Variants in ADGRV1 observed in about 807,000 individuals in gnomAD.
The protein encoded by ADGRV1 is G-protein coupled receptor 98.
A neutral mutation model predicts 596.2 loss-of-function variants in ADGRV1; 359 were observed. The ratio of observed to expected loss-of-function variants is 0.60; its 90% confidence interval spans 0.55 to 0.66. The LOEUF (loss-of-function observed/expected upper bound fraction) is 0.66, where lower values mean the gene tolerates loss of function less well. Among genes scored for constraint, ADGRV1 ranks in the 30% least tolerant of loss-of-function variants. The pLI is 0.00. For missense variants in ADGRV1, 7,274 were observed against 7,575.6 expected, an observed-to-expected ratio of 0.96 and a Z score of 1.48; for synonymous variants, 2,681 against 2,679.2, an observed-to-expected ratio of 1.00 and a Z score of -0.02.
At chr5:90,628,878 T>G (rs1426179890) in intron 8 of ADGRV1, 46 bp downstream of exon 8, 1 of 1,552,224 alleles carries the variant, frequency 6.4e-7, no homozygotes, top group East Asian at 2.3e-5. Flanking sequence ...TTCTGTGCTG[T>G]ACAAGAACCA....
intron 77 of ADGRV1, among the ~76,000 whole-genome samples, chr5:90,830,088 G>A (rs1462252417): frequency 6.6e-6 from 1 of 152,110 alleles, no homozygotes; most frequent in African/African-American, 2.4e-5. Flanking sequence ...AGGACATTCT[G>A]TGCATAAAAC....
intron 87 of ADGRV1, among the ~76,000 whole-genome samples, chr5:91,108,652 C>T (rs536486109): frequency 7.9e-5 from 12 of 152,054 alleles, no homozygotes; most frequent in Non-Finnish European, 1.3e-4. Flanking sequence ...TGGAGGGCAA[C>T]GACGTGATCA....
chr5:90,985,207 T>C, intron 84 of ADGRV1, 137 bp from the exon 85 acceptor site: 1 of 507,172 alleles, frequency 2.0e-6, no homozygotes, highest in Non-Finnish European at 3.4e-6. Flanking sequence ...ATGTATGAAC[T>C]AACTTAAAAA....
intron 86 of ADGRV1, among the ~76,000 whole-genome samples, chr5:91,087,828 C>CA (rs1474668988): frequency 1.3e-5 from 2 of 152,240 alleles, no homozygotes; most frequent in East Asian, 3.9e-4. Flanking sequence ...GTAACTAATA[C>CA]AAGGTCACAC....
At chr5:90,594,209 C>A (rs1257966906) in intron 1 of ADGRV1, among the ~76,000 whole-genome samples, 3 of 152,024 alleles carry the variant, frequency 2.0e-5, no homozygotes, top group African/African-American at 7.3e-5. Context: ...CTGTAGATCT[C>A]GTAATCCCCA....
chr5:90,627,956 A>ACG, intron 7 of ADGRV1, 180 bp downstream of exon 7: 1 of 431,732 alleles, frequency 2.3e-6, no homozygotes, highest in Non-Finnish European at 4.1e-6. Flanking sequence ...ACACACACAC[A>ACG]CACACAAGAA....
Position 91,072,358 on chromosome 5 carries a change from C to G in ADGRV1, c.18153-89C>G, listed in dbSNP as rs999970224. 25 of 1,145,192 alleles carry G rather than the reference C, an allele frequency of 2.2e-5. No individual in the cohort carries two copies. The South Asian group carries it at 2.9e-4, about 13-fold the overall frequency. The allele number at this position is 1,145,192 out of a possible 1,614,324, so 70.9% of individuals were successfully genotyped here. ...GTTGCCAGCATCTGGATACAAAGAG[C>G]TAGTATAAAGTAGTGATGTGATACA... On this transcript the variant is annotated intron_variant, in intron 85 of 89. Transcript: ENST00000405460.
At chr5:90,646,387 T>G (rs1767762998) in intron 16 of ADGRV1, among the ~76,000 whole-genome samples, 1 of 150,118 alleles carries the variant, frequency 6.7e-6, no homozygotes, top group African/African-American at 2.5e-5. Context: ...TTTTCCCCCT[T>G]TCAGATTTCT....
intron 70 of ADGRV1, among the ~76,000 whole-genome samples, chr5:90,795,434 G>T (rs186603435): frequency 2.6e-5 from 4 of 152,312 alleles, no homozygotes; most frequent in African/African-American, 4.8e-5. Context: ...GGCTGCTGGG[G>T]TCAGACTGCC....
chr5:90,913,799 C>A (rs1407867402), intron 83 of ADGRV1, among the ~76,000 whole-genome samples: 1 of 152,092 alleles, frequency 6.6e-6, no homozygotes, highest in South Asian at 2.1e-4. Flanking sequence ...ACCAAGCCAA[C>A]CAAAAGGCAC....
At chr5:91,127,589 G>A (rs1310741774) in intron 87 of ADGRV1, among the ~76,000 whole-genome samples, 1 of 151,280 alleles carries the variant, frequency 6.6e-6, no homozygotes, top group Non-Finnish European at 1.5e-5. Flanking sequence ...ATTACAAAAG[G>A]GATCACTTAA....
At position 90,626,663 on chromosome 5, in the gene ADGRV1, A is replaced by G. The variant is rs111461674; in HGVS notation, c.673-548A>G. On this transcript the variant is annotated intron_variant, in intron 6 of 89. Coordinates refer to ENST00000405460, the MANE Select transcript of ADGRV1 (RefSeq NM_032119.4). Reference sequence around the variant, plus strand: ...CTTTAACAGTGTCAGCATTTTTCCTAGTAGTGACTCTTACAGCTTTTTCTC... The same window carrying G: ...CTTTAACAGTGTCAGCATTTTTCCTGGTAGTGACTCTTACAGCTTTTTCTC... 6 of 152,322 alleles carry G rather than the reference A, an allele frequency of 3.9e-5. 1 individual carries two copies. The highest frequency in any genetic ancestry group is 1.4e-4 in the African/African-American group (6 of 41,582). 9.4% of individuals were successfully genotyped at this position (152,322 alleles called of 1,614,324 possible).
intron 9 of ADGRV1, among the ~76,000 whole-genome samples, chr5:90,631,903 C>T (rs1765549005): frequency 6.6e-6 from 1 of 152,148 alleles, no homozygotes; most frequent in East Asian, 1.9e-4. Flanking sequence ...AAAAACATGA[C>T]ATAATTTGTT....
At chr5:90,691,650 G>A (rs1246879174) in intron 31 of ADGRV1, among the ~76,000 whole-genome samples, 1 of 152,046 alleles carries the variant, frequency 6.6e-6, no homozygotes, top group Non-Finnish European at 1.5e-5. Context: ...CTCCCAAAGT[G>A]CTGGGATTAC....
Position 91,163,895 on chromosome 5 carries a change from C to G in ADGRV1, c.18916C>G (p.Leu6306Val). Residue 6306 changes from leucine to valine, a missense_variant, in exon 90 of 90, where the codon CTG (leucine) becomes GTG (valine). Around this residue, in one of 5 missense-constraint regions of ADGRV1, gnomAD observed 1,874 missense variants for 1,970.2 expected, o/e 0.95. Transcript: ENST00000405460. Reference sequence around the variant, plus strand: ...GAGGATACCCATCGCCGACACTCACCTGTAGCACCTCACTAACCATTCGAC... The same window carrying G: ...GAGGATACCCATCGCCGACACTCACGTGTAGCACCTCACTAACCATTCGAC... ...LRRIPIADTHL is the reference protein window; with the variant it reads ...LRRIPIADTHV The G allele has an allele frequency of 6.8e-7, 1 of 1,467,266 alleles. No homozygotes were observed. Among genetic ancestry groups the G allele is most frequent in the Non-Finnish European group, 9.5e-7 (1 of 1,049,978 alleles). 90.9% of individuals were successfully genotyped at this position (1,467,266 alleles called of 1,614,324 possible). A position where few individuals can be genotyped will look rare whatever the true frequency, so the allele number is the denominator to read the frequency against.
chr5:90,613,470 T>C (rs1762960213), intron 1 of ADGRV1, among the ~76,000 whole-genome samples: 1 of 152,154 alleles, frequency 6.6e-6, no homozygotes, highest in South Asian at 2.1e-4. Flanking sequence ...TTTCATTTCC[T>C]TTCTTTCCAT....
chr5:90,693,727 C>CA (rs1343651572), intron 32 of ADGRV1, among the ~76,000 whole-genome samples, 163 bp from the exon 33 acceptor site: 9 of 152,156 alleles, frequency 5.9e-5, no homozygotes, highest in Non-Finnish European at 1.2e-4. Context: ...CAGGAGAAAA[C>CA]AAAATGTTGG....
In ADGRV1 at chr5:90,683,735, C is replaced by G. The variant is rs375933469; in HGVS notation, c.5814C>G (p.Asp1938Glu). Residue 1938 changes from aspartate to glutamate, a missense_variant, in exon 28 of 90, where the codon GAC becomes GAG. Asp to Glu is a conservative substitution (Grantham distance 45). Coordinates refer to ENST00000405460, the MANE Select transcript of ADGRV1 (RefSeq NM_032119.4). Reference protein sequence around the residue: ...SANITVEILPDEDPELDKAFS... With the variant: ...SANITVEILPEEDPELDKAFS... ...ATATCACTGTGGAGATATTGCCTGA[C>G]GAAGACCCAGAACTGGATAAGGCAT... 3.1e-6 allele frequency: 5 copies of G among 1,613,644 alleles called. No individual in the cohort carries two copies. The highest frequency in any genetic ancestry group is 1.3e-5 in the African/African-American group (1 of 74,862).
At chr5:91,113,958 C>A (rs942018563) in intron 87 of ADGRV1, among the ~76,000 whole-genome samples, 3 of 152,042 alleles carry the variant, frequency 2.0e-5, no homozygotes, top group Non-Finnish European at 1.5e-5. Flanking sequence ...GTGGCTCACG[C>A]CTGTAATCCC....
Sources: allele counts gnomAD v4.1 joint callset (sites outside exome capture counted in the v4.1 genomes callset), GRCh38; gene constraint gnomAD v4.1.1; regional missense constraint gnomAD v4.1.1; transcripts MANE v1.5; gene names NCBI Gene and HGNC (gene_info 2026-07-23, HGNC 2026-07-21).